LGR5: variants seen among roughly 807,000 people sequenced by gnomAD.
The protein encoded by LGR5 is leucine rich repeat containing G protein-coupled receptor 5.
Under a neutral mutation model 76.7 loss-of-function variants are expected in LGR5, and 54 were observed. That is an observed-to-expected ratio of 0.70 (90% confidence interval 0.57 to 0.88). The LOEUF is 0.88. LGR5 is among the 40% of genes least tolerant of loss of function. LGR5 has a pLI of 0.00. For synonymous variants in LGR5, 406 were observed against 421.9 expected, an observed-to-expected ratio of 0.96 and a Z score of 0.46; for missense variants, 1,078 against 1,073.3, an observed-to-expected ratio of 1.00 and a Z score of -0.06.
chr12:71,449,117 T>G (rs1872146112), intron 1 of LGR5, among the ~76,000 whole-genome samples: 2 of 152,194 alleles, frequency 1.3e-5, no homozygotes, highest in Non-Finnish European at 2.9e-5. Flanking sequence ...TTTGCCTTTC[T>G]CCATCCCTCG....
At chr12:71,477,330 G>A (rs1873380996) in intron 1 of LGR5, among the ~76,000 whole-genome samples, 1 of 151,890 alleles carries the variant, frequency 6.6e-6, no homozygotes, top group African/African-American at 2.4e-5. Context: ...GATGCCTCTG[G>A]GAAATGGGAA....
chr12:71,465,598 G>GC (rs1872833140), intron 1 of LGR5, among the ~76,000 whole-genome samples: 1 of 152,142 alleles, frequency 6.6e-6, no homozygotes, highest in South Asian at 2.1e-4. Context: ...ATACTACCAT[G>GC]CTAGCTCAAC....
chr12:71,469,316 C>T (rs890182273), intron 1 of LGR5, among the ~76,000 whole-genome samples: 1 of 152,212 alleles, frequency 6.6e-6, no homozygotes. Flanking sequence ...CACACTTTGT[C>T]ATTGCCTTCT....
chr12:71,543,025 A>G (rs1397991537), intron 4 of LGR5, among the ~76,000 whole-genome samples: 1 of 8,212 alleles, frequency 1.2e-4, no homozygotes, highest in Non-Finnish European at 0.01. Flanking sequence ...CTAAATCTTC[A>G]GCACCAGTAG....
chr12:71,482,490 G>C (rs988896143), intron 1 of LGR5, among the ~76,000 whole-genome samples: 1 of 151,746 alleles, frequency 6.6e-6, no homozygotes, highest in Admixed American at 6.6e-5. Flanking sequence ...TAAAATTAGA[G>C]CCCACTCTAA....
chr12:71,558,752 G>A (rs1424462174), intron 6 of LGR5, among the ~76,000 whole-genome samples: 1 of 152,094 alleles, frequency 6.6e-6, no homozygotes, highest in African/African-American at 2.4e-5. Flanking sequence ...GCGTCATCTG[G>A]GAAATCTGCC....
intron 1 of LGR5, among the ~76,000 whole-genome samples, chr12:71,490,368 T>A (rs941106960): frequency 6.6e-6 from 1 of 152,212 alleles, no homozygotes; most frequent in African/African-American, 2.4e-5. Flanking sequence ...TCTAATAGAA[T>A]CTCCCATAAA....
Position 71,578,906 on chromosome 12 carries a change from A to G in LGR5, c.1383A>G (p.Ser461=), listed in dbSNP as rs772358806. ...ATCATGCCTTACAGAGCTTGATATC[A>G]TCTGAAAACTTTCCAGAACTCAAGT... is the stretch of plus-strand genomic sequence containing the variant. ...TGNHALQSLI[S]SENFPELKVI... The change falls in exon 15 of 18, where the codon TCA becomes TCG. Residue 461 remains serine (S), a synonymous_variant. Coordinates refer to ENST00000266674, the MANE Select transcript of LGR5 (RefSeq NM_003667.4). The G allele has an allele frequency of 6.2e-7, 1 of 1,606,280 alleles. No homozygotes were observed. The highest frequency in any genetic ancestry group is 2.2e-5 in the East Asian group (1 of 44,734).
chr12:71,470,757 C>A (rs756292240), intron 1 of LGR5, among the ~76,000 whole-genome samples: 9 of 152,206 alleles, frequency 5.9e-5, no homozygotes, highest in African/African-American at 2.2e-4. Context: ...GGACACCTTA[C>A]AACAAACCAT....
intron 13 of LGR5, 22 bp from the exon 14 acceptor site, chr12:71,577,903 C>T (rs775701046): frequency 6.6e-7 from 1 of 1,518,222 alleles, no homozygotes; most frequent in Non-Finnish European, 9.1e-7. Context: ...ATAATTCTCT[C>T]ATTTGCCTTT....
At chr12:71,439,623 C>T (rs752414666), upstream of LGR5, 46 of 177,532 alleles carry the variant, frequency 2.6e-4, no homozygotes, top group Non-Finnish European at 4.7e-4. Flanking sequence ...CAGTACCGCG[C>T]GCTGCCTGCT....
intron 2 of LGR5, among the ~76,000 whole-genome samples, chr12:71,523,280 C>G (rs1280822): frequency 0.97 from 147,875 of 152,128 alleles, 72,015 homozygotes; most frequent in Middle Eastern, 1. Context: ...ATTTGAGGCT[C>G]TTAGGTCCTT....
At chr12:71,501,495 T>C (rs1384379990) in intron 1 of LGR5, among the ~76,000 whole-genome samples, 3 of 152,180 alleles carry the variant, frequency 2.0e-5, no homozygotes, top group African/African-American at 7.2e-5. Flanking sequence ...AATTCTATCA[T>C]TGGTAAGTCA....
At chr12:71,582,659 A>C in intron 17 of LGR5, 120 bp downstream of exon 17, 1 of 705,296 alleles carries the variant, frequency 1.4e-6, no homozygotes, top group Non-Finnish European at 2.5e-6. Context: ...CTCATCAGTA[A>C]CCCTCCCCAT....
intron 16 of LGR5, 179 bp from the exon 17 acceptor site, chr12:71,582,277 G>T: frequency 7.1e-6 from 4 of 564,772 alleles, no homozygotes; most frequent in Non-Finnish European, 1.3e-5. Flanking sequence ...AGAATAGTAT[G>T]TCATAGCAGC....
At chr12:71,569,060 A>G (rs1009435375) in intron 11 of LGR5, among the ~76,000 whole-genome samples, 4 of 152,244 alleles carry the variant, frequency 2.6e-5, no homozygotes, top group African/African-American at 7.2e-5. Flanking sequence ...GGCAATGGGC[A>G]AAGGATTCCC....
At chr12:71,537,775 C>T (rs887079174) in intron 4 of LGR5, among the ~76,000 whole-genome samples, 8 of 152,162 alleles carry the variant, frequency 5.3e-5, no homozygotes, top group African/African-American at 1.4e-4. Flanking sequence ...CCAGGCCATA[C>T]GTTAGCCTCT....
chr12:71,440,628 C>G lies in LGR5; in HGVS notation c.212+336C>G, dbSNP rs1871721723. On this transcript the variant is annotated intron_variant, in intron 1 of 17. Transcript: ENST00000266674. The surrounding 1 kb of genome is among the most constrained non-coding windows in gnomAD (Gnocchi z 5.3). ...GCGTGCGGAGTGGACATTTGTGACC[C>G]AGAGCCTGGTACCCAAAGGCAGGCT... is the stretch of plus-strand genomic sequence containing the variant. 6.6e-6 allele frequency among the ~76,000 whole-genome samples: 1 copy of G among 152,162 alleles called. No homozygotes were observed. The highest frequency in any genetic ancestry group is 6.5e-5 in the Admixed American group (1 of 15,284).
chr12:71,503,172 C>T (rs1874688940), intron 1 of LGR5, among the ~76,000 whole-genome samples: 1 of 152,206 alleles, frequency 6.6e-6, no homozygotes, highest in East Asian at 1.9e-4. Context: ...TAAAACATGG[C>T]TGTTCAGTGA....
Sources: allele counts gnomAD v4.1 joint callset (sites outside exome capture counted in the v4.1 genomes callset), GRCh38; gene constraint gnomAD v4.1.1; non-coding constraint Gnocchi (gnomAD v3.1); transcripts MANE v1.5; gene names NCBI Gene and HGNC (gene_info 2026-07-23, HGNC 2026-07-21).